Variants in BACC1 observed in about 807,000 individuals in gnomAD.
The protein encoded by BACC1 is BPTF-associated chromatin complex component 1.
the BACC1 span, chr17:7,017,397 G>T: frequency 7.0e-7 from 1 of 1,423,410 alleles, no homozygotes; most frequent in Non-Finnish European, 9.9e-7. Context: ...GCCTGCACGA[G>T]AGAGGGCTGA....
the BACC1 span, chr17:7,017,437 C>A: frequency 1.1e-6 from 1 of 945,374 alleles, no homozygotes; most frequent in Non-Finnish European, 1.7e-6. Flanking sequence ...CCTCGCTATT[C>A]CCGCATAAGC....
At chr17:7,015,122 C>T in the BACC1 span, 4 of 1,585,578 alleles carry the variant, frequency 2.5e-6, no homozygotes, top group Non-Finnish European at 2.6e-6. Flanking sequence ...GCTGACGATG[C>T]AGCTGCATCC....
the BACC1 span, chr17:7,015,861 C>T: frequency 9.3e-6 from 15 of 1,613,888 alleles, no homozygotes; most frequent in Non-Finnish European, 1.2e-5. Context: ...GCTGTGTCAT[C>T]AAGGAACGGA....
the BACC1 span, chr17:7,015,346 G>C: frequency 2.9e-6 from 4 of 1,374,634 alleles, no homozygotes; most frequent in Non-Finnish European, 3.7e-6. Context: ...CAGGCCCATA[G>C]CCCAGACTCC....
At chr17:7,015,325 A>G in the BACC1 span, 1 of 1,375,128 alleles carries the variant, frequency 7.3e-7, no homozygotes, top group African/African-American at 1.5e-5. Flanking sequence ...AATGACAGAT[A>G]AAAATACAGA....
the BACC1 span, chr17:7,015,296 A>G: frequency 7.2e-7 from 1 of 1,390,056 alleles, no homozygotes; most frequent in Non-Finnish European, 9.3e-7. Flanking sequence ...TTAATAAATG[A>G]TCGTTGGGTG....
At chr17:7,015,947 C>A in the BACC1 span, 4 of 1,266,502 alleles carry the variant, frequency 3.2e-6, no homozygotes, top group Non-Finnish European at 4.6e-6. Context: ...TTCCATCGTC[C>A]TCAGAACTCC....
At chr17:7,017,441 C>A in the BACC1 span, 2 of 911,222 alleles carry the variant, frequency 2.2e-6, no homozygotes, top group African/African-American at 3.3e-5. Flanking sequence ...GCTATTCCCG[C>A]ATAAGCATCT....
chr17:7,016,061 T>C, the BACC1 span: 2 of 586,494 alleles, frequency 3.4e-6, no homozygotes, highest in East Asian at 2.9e-5. Flanking sequence ...CCTAAAATGC[T>C]GTGGTAATCC....
chr17:7,015,142 C>T, the BACC1 span: 61 of 1,579,716 alleles, frequency 3.9e-5, no homozygotes, highest in African/African-American at 3.2e-4. Context: ...CCGTGGCCGA[C>T]TCTTCTCCTG....
At chr17:7,015,183 A>G in the BACC1 span, 4 of 1,550,002 alleles carry the variant, frequency 2.6e-6, no homozygotes, top group Middle Eastern at 1.8e-4. Context: ...TGGGACGTGG[A>G]CGCTGAGAGC....
the BACC1 span, chr17:7,015,920 T>C: frequency 6.6e-7 from 1 of 1,522,634 alleles, no homozygotes. Context: ...GGCAGCCTTC[T>C]TCCTCCTTAC....
At chr17:7,016,687 T>C in the BACC1 span, 1 of 1,609,496 alleles carries the variant, frequency 6.2e-7, no homozygotes. Context: ...AGAAGGCTGG[T>C]GAGGGCTGTG....
At chr17:7,016,040 G>C in the BACC1 span, 1 of 610,248 alleles carries the variant, frequency 1.6e-6, no homozygotes. Flanking sequence ...TGTCACAGTT[G>C]GTCAGAAGTT....
At chr17:7,016,453 C>A in the BACC1 span, 866 of 1,591,932 alleles carry the variant, frequency 5.4e-4, 1 homozygote, top group Non-Finnish European at 6.9e-4. Flanking sequence ...CTGTTAGTCT[C>A]TCTGATGACT....
the BACC1 span, chr17:7,016,550 C>T: frequency 6.2e-7 from 1 of 1,614,172 alleles, no homozygotes; most frequent in Non-Finnish European, 8.5e-7. Context: ...TGGCATCCCC[C>T]TTCCAGCTGA....
the BACC1 span, chr17:7,015,943 C>T: frequency 4.4e-6 from 6 of 1,369,138 alleles, no homozygotes; most frequent in Admixed American, 1.8e-5. Context: ...AAGGTTCCAT[C>T]GTCCTCAGAA....
the BACC1 span, chr17:7,017,094 AG>A: frequency 6.5e-7 from 1 of 1,531,112 alleles, no homozygotes; most frequent in Non-Finnish European, 9.0e-7. Context: ...CGGTCTCCGC[AG>A]GGGCCCCTCC....
the BACC1 span, chr17:7,016,823 G>A: frequency 1.3e-6 from 2 of 1,528,974 alleles, no homozygotes; most frequent in Non-Finnish European, 1.8e-6. Flanking sequence ...GAGGGGAGGG[G>A]AGAGGAGGCA....
Sources: gnomAD v4.1 joint callset for allele counts on GRCh38, gnomAD v4.1.1 for gene constraint, MANE v1.5 for transcripts, NCBI Gene and HGNC (gene_info 2026-07-23, HGNC 2026-07-21) for gene names.